MSH3: variants seen among roughly 807,000 people sequenced by gnomAD.
The protein encoded by MSH3 is DNA mismatch repair protein Msh3.
MSH3 carries 106 observed loss-of-function variants against 123.3 expected under a neutral mutation model. The ratio of observed to expected loss-of-function variants is 0.86; its 90% CI spans 0.73 to 1.01. The LOEUF is 1.01. Among genes scored for constraint, MSH3 ranks in the 50% least tolerant of loss-of-function variants. The pLI, the probability that MSH3 is intolerant of heterozygous loss-of-function variation, is 0.00. For missense variants in MSH3, 1,459 were observed against 1,347.6 expected, an observed-to-expected ratio of 1.08 and a Z score of -1.29; for synonymous variants, 515 against 481.4, an observed-to-expected ratio of 1.07 and a Z score of -0.91.
intron 20 of MSH3, among the ~76,000 whole-genome samples, chr5:80,850,383 T>C (rs1745810167): frequency 6.6e-6 from 1 of 152,150 alleles, no homozygotes; most frequent in Non-Finnish European, 1.5e-5. Context: ...GGTACCAATT[T>C]ACTGTATTAG....
chr5:80,773,922 C>T (rs1172551112), intron 15 of MSH3, among the ~76,000 whole-genome samples: 1 of 152,114 alleles, frequency 6.6e-6, no homozygotes, highest in Admixed American at 6.6e-5. Context: ...TGCCTGCCAC[C>T]ACGCCTGGCT....
chr5:80,710,397 A>G (rs562040375), intron 8 of MSH3, among the ~76,000 whole-genome samples: 1 of 152,220 alleles, frequency 6.6e-6, no homozygotes, highest in African/African-American at 2.4e-5. Flanking sequence ...GTAATATTTT[A>G]TAGCACAATT....
chr5:80,725,354 A>G, intron 8 of MSH3, 99 bp from the exon 9 acceptor site: 1 of 804,956 alleles, frequency 1.2e-6, no homozygotes, highest in Non-Finnish European at 2.1e-6. Flanking sequence ...TAAGGAATAA[A>G]TCTTTATCTT....
In MSH3 at chr5:80,854,116, C is replaced by A; in HGVS notation, c.2814-14C>A. ...GTGAAGAGGAAAATCAAGGTGTTTT[C>A]ATCTTGCTTGTAGGATGGGTGCTGC... is the stretch of plus-strand genomic sequence containing the variant. On this transcript the variant is annotated splice_polypyrimidine_tract_variant and intron_variant, in intron 20 of 23. Coordinates refer to ENST00000265081, the MANE Select transcript of MSH3 (RefSeq NM_002439.5). 6.2e-7 allele frequency: 1 copy of A among 1,610,040 alleles called. No individual in the cohort carries two copies. The highest frequency in any genetic ancestry group is 1.3e-5 in the African/African-American group (1 of 74,938).
chr5:80,774,558 C>G (rs1351874798), intron 15 of MSH3, among the ~76,000 whole-genome samples: 1 of 152,132 alleles, frequency 6.6e-6, no homozygotes, highest in Non-Finnish European at 1.5e-5. Flanking sequence ...TGGAAACAAA[C>G]TAAGTGTCCA....
chr5:80,835,480 G>A (rs1745492368), intron 20 of MSH3, among the ~76,000 whole-genome samples: 1 of 152,054 alleles, frequency 6.6e-6, no homozygotes, highest in Non-Finnish European at 1.5e-5. Context: ...ATAAAAAGCA[G>A]CAATAGCATT....
chr5:80,688,857 T>C (rs1215525822), intron 8 of MSH3, among the ~76,000 whole-genome samples: 2 of 152,144 alleles, frequency 1.3e-5, no homozygotes, highest in African/African-American at 2.4e-5. Context: ...CGGTACTTGA[T>C]GGTACCAATT....
chr5:80,832,642 G>T (rs1745439582), intron 20 of MSH3, among the ~76,000 whole-genome samples: 1 of 151,652 alleles, frequency 6.6e-6, no homozygotes, highest in Non-Finnish European at 1.5e-5. Context: ...TTCTGTAAAT[G>T]GAAAGTAGTG....
At chr5:80,811,470 T>C (rs1745006049) in intron 19 of MSH3, among the ~76,000 whole-genome samples, 1 of 152,176 alleles carries the variant, frequency 6.6e-6, no homozygotes, top group Admixed American at 6.5e-5. Flanking sequence ...TAATAGTTTA[T>C]TAAGAAGTTT....
chr5:80,821,622 G>A (rs1745206548), intron 20 of MSH3, among the ~76,000 whole-genome samples: 1 of 152,160 alleles, frequency 6.6e-6, no homozygotes, highest in African/African-American at 2.4e-5. Context: ...CCTGTGCTCT[G>A]CCATTTGAGT....
At chr5:80,821,194 C>T (rs1418693141) in intron 20 of MSH3, among the ~76,000 whole-genome samples, 1 of 152,182 alleles carries the variant, frequency 6.6e-6, no homozygotes, top group Non-Finnish European at 1.5e-5. Context: ...ATGATCTGTT[C>T]ACGGTAAACT....
intron 2 of MSH3, among the ~76,000 whole-genome samples, chr5:80,664,632 T>C (rs1370860396): frequency 1.3e-5 from 2 of 152,208 alleles, no homozygotes; most frequent in Non-Finnish European, 2.9e-5. Flanking sequence ...CAAATTGCTT[T>C]GAACCAATCC....
chr5:80,862,819 G>A (rs1746036167), intron 21 of MSH3, among the ~76,000 whole-genome samples: 1 of 152,116 alleles, frequency 6.6e-6, no homozygotes, highest in Admixed American at 6.6e-5. Context: ...TTAAAATGGT[G>A]GAGGTGAGTG....
chr5:80,796,951 G>A (rs1244814205), intron 19 of MSH3, among the ~76,000 whole-genome samples: 1 of 152,106 alleles, frequency 6.6e-6, no homozygotes, highest in African/African-American at 2.4e-5. Context: ...TCACACTCCA[G>A]CCAGATTGGA....
intron 8 of MSH3, among the ~76,000 whole-genome samples, 167 bp from the exon 9 acceptor site, chr5:80,725,286 T>A (rs1287196689): frequency 6.6e-6 from 1 of 151,136 alleles, no homozygotes; most frequent in Non-Finnish European, 1.5e-5. Context: ...AAATAGAGCA[T>A]TTTGGCAGAG....
chr5:80,729,360 C>G (rs888725437), intron 10 of MSH3, among the ~76,000 whole-genome samples: 1 of 146,138 alleles, frequency 6.8e-6, no homozygotes, highest in African/African-American at 2.6e-5. Context: ...AGCCTGCAGT[C>G]AGCCCAGATC....
intron 20 of MSH3, among the ~76,000 whole-genome samples, chr5:80,852,039 A>G (rs2112103903): frequency 6.6e-6 from 1 of 152,344 alleles, no homozygotes; most frequent in African/African-American, 2.4e-5. Flanking sequence ...AAAACTGTAT[A>G]CAACAGCCAG....
chr5:80,683,285 A>C (rs774412451), intron 8 of MSH3, among the ~76,000 whole-genome samples: 26 of 152,026 alleles, frequency 1.7e-4, no homozygotes, highest in African/African-American at 5.1e-4. Flanking sequence ...TTTTTTTCAA[A>C]CTACTCTCCA....
chr5:80,773,542 G>T (rs965664635), intron 15 of MSH3, among the ~76,000 whole-genome samples: 1 of 152,142 alleles, frequency 6.6e-6, no homozygotes, highest in African/African-American at 2.4e-5. Flanking sequence ...AAAAGCTACA[G>T]TGTTTCTATT....
Sources: allele counts gnomAD v4.1 joint callset (sites outside exome capture counted in the v4.1 genomes callset), GRCh38; gene constraint gnomAD v4.1.1; transcripts MANE v1.5; gene names NCBI Gene and HGNC (gene_info 2026-07-23, HGNC 2026-07-21).